FILIP1: variants seen among roughly 807,000 people sequenced by gnomAD.
The protein encoded by FILIP1 is filamin A interacting protein 1, also known as filamin-A-interacting protein 1.
A neutral mutation model predicts 102.1 loss-of-function variants in FILIP1; 61 were observed. The observed-to-expected ratio is 0.60, with a 90% CI of 0.49 to 0.74. The LOEUF (loss-of-function observed/expected upper bound fraction) is 0.74, where lower values mean the gene tolerates loss of function less well. Ranked by LOEUF, FILIP1 falls within the 30% of genes least tolerant of loss-of-function variation. The pLI is 0.00. For synonymous variants in FILIP1, 491 were observed against 526.9 expected, an observed-to-expected ratio of 0.93 and a Z score of 0.93; for missense variants, 1,314 against 1,441.2, an observed-to-expected ratio of 0.91 and a Z score of 1.43.
chr6:75,421,481 T>C (rs1227062619), intron 1 of FILIP1, among the ~76,000 whole-genome samples: 1 of 152,116 alleles, frequency 6.6e-6, no homozygotes, highest in Admixed American at 6.6e-5. Context: ...CCTGGGTGGT[T>C]ACCGCAAGAT....
At chr6:75,379,207 A>G (rs1231073459) in intron 2 of FILIP1, among the ~76,000 whole-genome samples, 1 of 152,238 alleles carries the variant, frequency 6.6e-6, no homozygotes, top group African/African-American at 2.4e-5. Context: ...TTGATTCACA[A>G]CCAAGCCATG....
chr6:75,435,607 C>T (rs1239632766), intron 1 of FILIP1, among the ~76,000 whole-genome samples: 1 of 152,186 alleles, frequency 6.6e-6, no homozygotes, highest in East Asian at 1.9e-4. Context: ...AGACTTTCCT[C>T]AAAGACCCTT....
At chr6:75,342,130 G>A (rs1014168162) in intron 4 of FILIP1, among the ~76,000 whole-genome samples, 2 of 152,176 alleles carry the variant, frequency 1.3e-5, no homozygotes, top group African/African-American at 4.8e-5. Flanking sequence ...TGAACTCAGA[G>A]TTATCTGTCT....
chr6:75,446,051 A>C (rs1283923199), intron 1 of FILIP1, among the ~76,000 whole-genome samples: 1 of 152,208 alleles, frequency 6.6e-6, no homozygotes, highest in Non-Finnish European at 1.5e-5. Context: ...TCAGATTTAC[A>C]CAGAGAAAAC....
chr6:75,358,064 C>G (rs1198234022), intron 3 of FILIP1, among the ~76,000 whole-genome samples: 1 of 152,182 alleles, frequency 6.6e-6, no homozygotes, highest in African/African-American at 2.4e-5. Flanking sequence ...ATGAGATAAT[C>G]ATAACACCAA....
At chr6:75,481,800 G>A (rs1396416086) in intron 1 of FILIP1, among the ~76,000 whole-genome samples, 1 of 152,162 alleles carries the variant, frequency 6.6e-6, no homozygotes, top group African/African-American at 2.4e-5. Flanking sequence ...CTATAATCAT[G>A]TGCTTTCACA....
chr6:75,452,586 A>C (rs2149737327), intron 1 of FILIP1, among the ~76,000 whole-genome samples: 1 of 152,316 alleles, frequency 6.6e-6, no homozygotes, highest in Admixed American at 6.5e-5. Flanking sequence ...AACAACTTAG[A>C]TGACCCATAA....
chr6:75,453,019 G>T (rs911444828), intron 1 of FILIP1, among the ~76,000 whole-genome samples: 3 of 152,114 alleles, frequency 2.0e-5, no homozygotes, highest in Admixed American at 6.5e-5. Context: ...TAAAGTGTTC[G>T]CTGTAATTTC....
At position 75,308,678 on chromosome 6, in the gene FILIP1, T is replaced by C; in HGVS notation, c.*13A>G. Reference sequence around the variant, plus strand: ...AGTAGCATCTGCACAACATACCCCCTTAGCCACTGCCCTCAGCCCTTCCCC... The same window carrying C: ...AGTAGCATCTGCACAACATACCCCCCTAGCCACTGCCCTCAGCCCTTCCCC... On this transcript the variant is annotated 3_prime_UTR_variant, in exon 6 of 6. Coordinates refer to ENST00000237172, the MANE Select transcript of FILIP1 (RefSeq NM_015687.5). 6.2e-7 allele frequency: 1 copy of C among 1,612,356 alleles called. No homozygotes were observed. Among genetic ancestry groups the C allele is most frequent in the Non-Finnish European group, 8.5e-7 (1 of 1,179,974 alleles).
intron 2 of FILIP1, among the ~76,000 whole-genome samples, chr6:75,383,667 C>G (rs1582423987): frequency 6.6e-6 from 1 of 152,280 alleles, no homozygotes; most frequent in East Asian, 1.9e-4. Flanking sequence ...TTATCTCCCC[C>G]ACCCAACAAC....
chr6:75,379,530 T>C (rs1425479844), intron 2 of FILIP1, among the ~76,000 whole-genome samples: 1 of 152,222 alleles, frequency 6.6e-6, no homozygotes, highest in African/African-American at 2.4e-5. Context: ...ACAGAGACTC[T>C]GAGGAAGCTC....
chr6:75,480,074 A>G (rs1358635749), intron 1 of FILIP1, among the ~76,000 whole-genome samples: 1 of 151,340 alleles, frequency 6.6e-6, no homozygotes. Flanking sequence ...CCCCACCTAT[A>G]TATGTTTTAA....
intron 4 of FILIP1, among the ~76,000 whole-genome samples, chr6:75,352,581 G>GC (rs1774845049): frequency 1.3e-5 from 2 of 152,026 alleles, no homozygotes; most frequent in African/African-American, 4.8e-5. Flanking sequence ...GGTTTGGTTT[G>GC]TTTTTTTACC....
chr6:75,365,622 G>A (rs541079148), intron 2 of FILIP1, among the ~76,000 whole-genome samples: 1 of 152,172 alleles, frequency 6.6e-6, no homozygotes, highest in East Asian at 1.9e-4. Flanking sequence ...CCTGACCTCA[G>A]GTGATCTGCC....
At chr6:75,442,233 G>T (rs1778286936) in intron 1 of FILIP1, among the ~76,000 whole-genome samples, 2 of 151,810 alleles carry the variant, frequency 1.3e-5, no homozygotes, top group Admixed American at 1.3e-4. Context: ...TCCTAGATGG[G>T]ATGGTGGCCG....
chr6:75,441,294 T>TG (rs1778210295), intron 1 of FILIP1, among the ~76,000 whole-genome samples: 1 of 152,148 alleles, frequency 6.6e-6, no homozygotes, highest in African/African-American at 2.4e-5. Flanking sequence ...AGCACAGGGT[T>TG]GGGGATAAGG....
chr6:75,463,923 G>T (rs1779093444), intron 1 of FILIP1, among the ~76,000 whole-genome samples: 1 of 152,036 alleles, frequency 6.6e-6, no homozygotes, highest in African/African-American at 2.4e-5. Flanking sequence ...GAGATGGTAG[G>T]GGGACAGCTG....
intron 2 of FILIP1, among the ~76,000 whole-genome samples, chr6:75,389,576 C>T (rs1181492807): frequency 2.6e-5 from 4 of 152,034 alleles, no homozygotes; most frequent in East Asian, 3.8e-4. Flanking sequence ...TTCAGGGATT[C>T]GACTTCTTCC....
intron 2 of FILIP1, among the ~76,000 whole-genome samples, chr6:75,388,572 G>A (rs1374237475): frequency 1.3e-5 from 2 of 152,040 alleles, no homozygotes; most frequent in African/African-American, 4.8e-5. Flanking sequence ...GTGGTTTGTA[G>A]GTCTCCTGGA....
Sources: gnomAD v4.1 joint callset for allele counts (sites outside exome capture counted in the v4.1 genomes callset) on GRCh38, gnomAD v4.1.1 for gene constraint, MANE v1.5 for transcripts, NCBI Gene and HGNC (gene_info 2026-07-23, HGNC 2026-07-21) for gene names.